Variants in MACROD2 observed in about 807,000 individuals in gnomAD.
MACROD2 encodes ADP-ribose glycohydrolase MACROD2.
In MACROD2, 36 loss-of-function variants were observed where a neutral mutation model predicts 70.4. The ratio of observed to expected loss-of-function variants is 0.51; its 90% CI spans 0.39 to 0.68. The LOEUF is 0.68. Ranked by LOEUF, MACROD2 falls within the 30% of genes least tolerant of loss-of-function variation. The pLI, the probability that MACROD2 is intolerant of heterozygous loss-of-function variation, is 0.00. For synonymous variants in MACROD2, 172 were observed against 178.8 expected (o/e 0.96, Z 0.30); for missense variants, 496 against 538.4 (o/e 0.92, Z 0.78).
At chr20:14,466,603 C>T (rs749872895) in intron 3 of MACROD2, among the ~76,000 whole-genome samples, 73 of 152,178 alleles carry the variant, frequency 4.8e-4, no homozygotes, top group Non-Finnish European at 8.4e-4. Context: ...GGAGGAGGAG[C>T]GGTGCTCTGA....
At chr20:15,013,365 T>G (rs866700202) in intron 5 of MACROD2, among the ~76,000 whole-genome samples, 4 of 152,074 alleles carry the variant, frequency 2.6e-5, no homozygotes, top group South Asian at 2.1e-4. Context: ...TATTCTTGCT[T>G]CTTGGGCATG....
intron 5 of MACROD2, among the ~76,000 whole-genome samples, chr20:15,209,181 C>A (rs931454700): frequency 6.6e-6 from 1 of 151,496 alleles, no homozygotes; most frequent in African/African-American, 2.4e-5. Flanking sequence ...TTCTGGGTTG[C>A]TGGCTTCTTT....
chr20:15,514,429 T>C (rs1473325141), intron 8 of MACROD2, among the ~76,000 whole-genome samples: 2 of 152,230 alleles, frequency 1.3e-5, no homozygotes, highest in Non-Finnish European at 2.9e-5. Flanking sequence ...GATACACAAG[T>C]ACTTATCATT....
chr20:15,956,302 G>C (rs1002911872), intron 12 of MACROD2, among the ~76,000 whole-genome samples: 1 of 152,172 alleles, frequency 6.6e-6, no homozygotes, highest in East Asian at 1.9e-4. Context: ...TTAGTTTGTT[G>C]TTCTTCTTCT....
At chr20:14,577,387 T>G (rs1478848765) in intron 4 of MACROD2, among the ~76,000 whole-genome samples, 1 of 152,190 alleles carries the variant, frequency 6.6e-6, no homozygotes, top group Non-Finnish European at 1.5e-5. Flanking sequence ...AAGCGTATAT[T>G]TCAAAACCAT....
rs576132181 is a variant in MACROD2 at position 15,036,357 on chromosome 20, G to T, written c.419-193583G>T. Among the ~76,000 whole-genome samples, 9 of 152,166 alleles carry T rather than the reference G, an allele frequency of 5.9e-5. No homozygotes were observed. In the East Asian group the frequency reaches 1.7e-3, roughly 29 times the overall value. The stretch of plus-strand genomic sequence containing the variant: ...TATGTCCCTTTTGTCTTCACTGGTG[G>T]TTCTCAAAGTGTAGTTCCCAGATCA... On this transcript the variant is annotated intron_variant, in intron 5 of 17. Transcript: ENST00000684519.
chr20:16,029,820 A>G (rs753904951), intron 15 of MACROD2, among the ~76,000 whole-genome samples: 1 of 152,240 alleles, frequency 6.6e-6, no homozygotes, highest in Non-Finnish European at 1.5e-5. Flanking sequence ...AAAACGGGAA[A>G]GAAAAAGCAG....
intron 3 of MACROD2, among the ~76,000 whole-genome samples, chr20:14,315,790 T>C (rs1388848359): frequency 6.6e-6 from 1 of 152,162 alleles, no homozygotes; most frequent in East Asian, 1.9e-4. Flanking sequence ...TTTAAAACAA[T>C]TAAATGTTGG....
At chr20:14,997,350 G>T (rs917264978) in intron 5 of MACROD2, among the ~76,000 whole-genome samples, 3 of 152,202 alleles carry the variant, frequency 2.0e-5, no homozygotes, top group Middle Eastern at 3.4e-3. Flanking sequence ...TCTAGTCTTG[G>T]CAAGATTCAT....
chr20:14,519,894 A>G (rs1783795609), intron 4 of MACROD2, among the ~76,000 whole-genome samples: 1 of 152,142 alleles, frequency 6.6e-6, no homozygotes, highest in Admixed American at 6.5e-5. Flanking sequence ...CATAAAAGGA[A>G]CGAGATCGTA....
At chr20:14,841,663 A>G (rs960929897) in intron 5 of MACROD2, among the ~76,000 whole-genome samples, 1 of 152,130 alleles carries the variant, frequency 6.6e-6, no homozygotes, top group Non-Finnish European at 1.5e-5. Context: ...ATCCTTCATC[A>G]AGGCAGTTAC....
chr20:15,387,543 C>G (rs1268676412), intron 6 of MACROD2, among the ~76,000 whole-genome samples: 1 of 150,888 alleles, frequency 6.6e-6, no homozygotes, highest in African/African-American at 2.4e-5. Flanking sequence ...TCTCCTTTCT[C>G]TCTCAATTAC....
At chr20:15,142,081 C>T (rs1319902406) in intron 5 of MACROD2, among the ~76,000 whole-genome samples, 1 of 152,156 alleles carries the variant, frequency 6.6e-6, no homozygotes, top group Non-Finnish European at 1.5e-5. Context: ...CTATCAATGT[C>T]TTGAATTATG....
intron 3 of MACROD2, among the ~76,000 whole-genome samples, chr20:14,087,518 T>G (rs1174265363): frequency 2.1e-5 from 3 of 141,450 alleles, no homozygotes; most frequent in African/African-American, 8.1e-5. Context: ...CCTTTGCTGC[T>G]TCTGCTGCCT....
rs114687774 is a variant in MACROD2, at chr20:15,487,394, A to G, written c.572-12380A>G. 3.1e-3 allele frequency among the ~76,000 whole-genome samples: 470 copies of G among 152,324 alleles called. 2 individuals carry two copies. Among genetic ancestry groups the G allele is most frequent in the African/African-American group, 0.01 (435 of 41,570 alleles). On this transcript the variant is annotated intron_variant, in intron 7 of 17. Transcript: ENST00000684519. ...ATCTTTTGGAATGTCTTTGAAAATG[A>G]GTTTTAGGATGATGTCCTCCAGCAG... is the stretch of plus-strand genomic sequence containing the variant.
intron 3 of MACROD2, among the ~76,000 whole-genome samples, chr20:14,464,642 G>A (rs1368713462): frequency 2.0e-5 from 3 of 151,930 alleles, no homozygotes; most frequent in African/African-American, 7.3e-5. Context: ...GTCGATTTTA[G>A]ATCTTTCCTG....
chr20:15,015,538 T>C (rs745494997), intron 5 of MACROD2, among the ~76,000 whole-genome samples: 2 of 151,684 alleles, frequency 1.3e-5, no homozygotes, highest in Non-Finnish European at 2.9e-5. Context: ...GCATGTAAAA[T>C]ACAATTTCCT....
intron 5 of MACROD2, among the ~76,000 whole-genome samples, chr20:15,091,075 A>G (rs983078789): frequency 2.6e-5 from 4 of 152,012 alleles, no homozygotes; most frequent in African/African-American, 4.8e-5. Flanking sequence ...AAATGCCTCA[A>G]CTTCCTCCTT....
intron 3 of MACROD2, among the ~76,000 whole-genome samples, chr20:14,345,750 G>A (rs1182601853): frequency 6.6e-6 from 1 of 151,342 alleles, no homozygotes; most frequent in Non-Finnish European, 1.5e-5. Context: ...TTTTCTATAA[G>A]GACAACAAGT....
Sources: gnomAD v4.1 joint callset for allele counts (sites outside exome capture counted in the v4.1 genomes callset) on GRCh38, gnomAD v4.1.1 for gene constraint, MANE v1.5 for transcripts, NCBI Gene and HGNC (gene_info 2026-07-23, HGNC 2026-07-21) for gene names.